The following BTBD9 variants were observed in gnomAD, a reference collection of about 807,000 sequenced individuals.
BTBD9 encodes the protein BTB domain containing 9.
BTBD9 carries 49 observed loss-of-function variants against 64.3 expected under a neutral mutation model. That is an observed-to-expected ratio of 0.76 (90% CI 0.61 to 0.97). BTBD9 has a LOEUF of 0.97. BTBD9 is among the 50% of genes least tolerant of loss of function. The probability of loss-of-function intolerance (pLI) is 0.00; values close to 1 mark genes in which losing one functional copy is unlikely to be tolerated. For missense variants in BTBD9, 598 were observed against 762.1 expected (o/e 0.78, Z 2.53); for synonymous variants, 260 against 274.7 (o/e 0.95, Z 0.53).
chr6:38,461,820 C>A (rs1313826401), intron 6 of BTBD9, among the ~76,000 whole-genome samples: 3 of 152,174 alleles, frequency 2.0e-5, no homozygotes, highest in Admixed American at 6.5e-5. Flanking sequence ...TCCTTCACAT[C>A]CTCTCCAACA....
chr6:38,528,928 C>T (rs1773646061), intron 6 of BTBD9, among the ~76,000 whole-genome samples: 1 of 152,138 alleles, frequency 6.6e-6, no homozygotes, highest in Non-Finnish European at 1.5e-5. Context: ...GGGACATTGT[C>T]TTGCAGCTTG....
chr6:38,601,756 A>C (rs1392022420), intron 1 of BTBD9, among the ~76,000 whole-genome samples: 1 of 152,186 alleles, frequency 6.6e-6, no homozygotes, highest in Non-Finnish European at 1.5e-5. Context: ...GAGGCAAAAA[A>C]ATCAATATTT....
intron 6 of BTBD9, among the ~76,000 whole-genome samples, chr6:38,432,780 C>T (rs1260981628): frequency 2.0e-5 from 3 of 151,864 alleles, no homozygotes; most frequent in South Asian, 2.1e-4. Context: ...AAGATTACAT[C>T]GCCAATCAGC....
chr6:38,469,594 C>A (rs1474001888), intron 6 of BTBD9, among the ~76,000 whole-genome samples: 3 of 152,164 alleles, frequency 2.0e-5, no homozygotes, highest in African/African-American at 7.2e-5. Context: ...GCTGGGATTA[C>A]AGGCGTGAGC....
At chr6:38,394,314 G>C (rs1473447584) in intron 6 of BTBD9, among the ~76,000 whole-genome samples, 1 of 152,106 alleles carries the variant, frequency 6.6e-6, no homozygotes. Context: ...GATAGGGTGG[G>C]GGCTGTCCTG....
chr6:38,251,036 C>T (rs533239181), intron 9 of BTBD9, among the ~76,000 whole-genome samples: 51 of 150,818 alleles, frequency 3.4e-4, no homozygotes, highest in African/African-American at 1.2e-3. Context: ...GAGCCAAGAC[C>T]GCGCCATTGC....
intron 6 of BTBD9, among the ~76,000 whole-genome samples, chr6:38,479,086 T>C (rs1291715731): frequency 2.0e-5 from 3 of 152,212 alleles, no homozygotes; most frequent in African/African-American, 7.2e-5. Context: ...AACTATGCTG[T>C]TATCAAATGG....
chr6:38,629,295 T>C (rs1027171304), intron 1 of BTBD9, among the ~76,000 whole-genome samples: 1 of 152,070 alleles, frequency 6.6e-6, no homozygotes, highest in Admixed American at 6.5e-5. Context: ...TCTCAAAGTA[T>C]CTCCCAGAAG....
At chr6:38,329,906 T>C (rs1386497553) in intron 7 of BTBD9, among the ~76,000 whole-genome samples, 7 of 152,026 alleles carry the variant, frequency 4.6e-5, no homozygotes, top group Non-Finnish European at 7.4e-5. Flanking sequence ...TGAGCTGAGA[T>C]AGCACTATCG....
chr6:38,612,229 T>C (rs1255559612), intron 1 of BTBD9, among the ~76,000 whole-genome samples: 1 of 152,346 alleles, frequency 6.6e-6, no homozygotes, highest in East Asian at 1.9e-4. Context: ...GAAAAGCAAG[T>C]GTATAAGAAT....
At chr6:38,368,349 C>T (rs938871543) in intron 6 of BTBD9, among the ~76,000 whole-genome samples, 6 of 151,716 alleles carry the variant, frequency 4.0e-5, no homozygotes, top group African/African-American at 9.7e-5. Flanking sequence ...TTTTAGGGGG[C>T]GGGGGAATGG....
Position 38,171,555 on chromosome 6 carries a change from G to GGTGTGTGTGTGT in BTBD9, c.*3418_*3429dup, listed in dbSNP as rs56046321. On this transcript the variant is annotated 3_prime_UTR_variant, in exon 11 of 11. Coordinates refer to ENST00000481247, the MANE Select transcript of BTBD9 (RefSeq NM_001099272.2). ...AAAGCACTGAGAAAATGGTAAAACG[G>GGTGTGTGTGTGT]GTGTGTGTGTGTGTGTGTGTGTGTG... 2.4e-5 allele frequency: 3 copies of GGTGTGTGTGTGT among 122,944 alleles called. No individual in the cohort carries two copies. Among genetic ancestry groups the GGTGTGTGTGTGT allele is most frequent in the African/African-American group, 6.6e-5 (2 of 30,468 alleles). 7.6% of individuals were successfully genotyped at this position (122,944 alleles called of 1,614,324 possible).
chr6:38,537,997 C>T (rs1774098326), intron 6 of BTBD9, among the ~76,000 whole-genome samples: 1 of 152,198 alleles, frequency 6.6e-6, no homozygotes, highest in Non-Finnish European at 1.5e-5. Flanking sequence ...GCCTGCCTAT[C>T]AGCCCTGGAC....
Position 38,598,231 on chromosome 6 carries a change from T to C in BTBD9, c.-27-110A>G. On this transcript the variant is annotated intron_variant, in intron 1 of 10. Transcript: ENST00000481247. ...AATTTAAAGTGCTTAGAAAAATTCC[T>C]ATGAGAGAGTTAATCAATGGTATCC... is the stretch of plus-strand genomic sequence containing the variant. 3.9e-6 allele frequency: 3 copies of C among 774,202 alleles called. No individual in the cohort carries two copies. The South Asian group carries it at 6.3e-5, about 16-fold the overall frequency. The allele number at this position is 774,202 out of a possible 1,614,324, so 48.0% of individuals were successfully genotyped here. A position where few individuals can be genotyped will look rare whatever the true frequency, so the allele number is the denominator to read the frequency against.
rs6899871 is a variant in BTBD9, at chr6:38,498,079, G to C, written c.1154+79521C>G. Among the ~76,000 whole-genome samples the C allele has an allele frequency of 9.3e-3, 1,413 of 152,282 alleles. 20 individuals carry two copies. The highest frequency in any genetic ancestry group is 0.031 in the African/African-American group (1,284 of 41,558). On this transcript the variant is annotated intron_variant, in intron 6 of 10. Coordinates refer to ENST00000481247, the MANE Select transcript of BTBD9 (RefSeq NM_001099272.2). ...TATAAAGTGTCTTTCACATTAATAA[G>C]AATTTCCAGCACAACCAACATCCAA...
intron 6 of BTBD9, among the ~76,000 whole-genome samples, chr6:38,425,975 G>C (rs990497590): frequency 1.3e-4 from 20 of 148,492 alleles, no homozygotes; most frequent in African/African-American, 4.7e-4. Context: ...AGCAAGCCCA[G>C]ACCAGAAGCT....
intron 8 of BTBD9, among the ~76,000 whole-genome samples, 192 bp from the exon 9 acceptor site, chr6:38,256,708 T>C (rs1207792693): frequency 6.6e-6 from 1 of 152,148 alleles, no homozygotes; most frequent in Non-Finnish European, 1.5e-5. Context: ...TTATCTTTAG[T>C]TCTTTTCACA....
At chr6:38,232,713 G>A (rs1224190361) in intron 9 of BTBD9, among the ~76,000 whole-genome samples, 1 of 147,428 alleles carries the variant, frequency 6.8e-6, no homozygotes, top group Non-Finnish European at 1.5e-5. Flanking sequence ...TACCCAGGCT[G>A]GTTTCAGACT....
intron 10 of BTBD9, among the ~76,000 whole-genome samples, chr6:38,192,215 G>C (rs904011445): frequency 2.6e-5 from 4 of 152,166 alleles, no homozygotes; most frequent in African/African-American, 9.7e-5. Flanking sequence ...CACTTGGGAG[G>C]GCTGAGGACT....
Sources: allele counts gnomAD v4.1 joint callset (sites outside exome capture counted in the v4.1 genomes callset), GRCh38; gene constraint gnomAD v4.1.1; transcripts MANE v1.5; gene names NCBI Gene and HGNC (gene_info 2026-07-23, HGNC 2026-07-21).